Variants in ATP13A5 observed in about 807,000 individuals in gnomAD.
ATP13A5 encodes probable cation-transporting ATPase 13A5.
Under a neutral mutation model 150.2 loss-of-function variants are expected in ATP13A5, and 149 were observed. The observed-to-expected ratio is 0.99, with a 90% CI of 0.87 to 1.14. The LOEUF (loss-of-function observed/expected upper bound fraction) is 1.14, where lower values mean the gene tolerates loss of function less well. Among genes scored for constraint, ATP13A5 ranks in the 50% most tolerant of loss-of-function variants. The pLI is 0.00. For missense variants in ATP13A5, 1,383 were observed against 1,449.3 expected, an observed-to-expected ratio of 0.95 and a Z score of 0.74; for synonymous variants, 497 against 522.2, an observed-to-expected ratio of 0.95 and a Z score of 0.66.
At chr3:193,305,172 AT>A (rs1047163925) in intron 23 of ATP13A5, among the ~76,000 whole-genome samples, 3 of 152,226 alleles carry the variant, frequency 2.0e-5, no homozygotes, top group African/African-American at 7.2e-5. Context: ...ATGTAATAGT[AT>A]TTAGGGAAGC....
chr3:193,358,161 G>A (rs1378586919), intron 5 of ATP13A5, among the ~76,000 whole-genome samples: 1 of 152,120 alleles, frequency 6.6e-6, no homozygotes, highest in African/African-American at 2.4e-5. Context: ...TTCCAACAGA[G>A]TCTCTGGCAG....
At chr3:193,304,676 C>A (rs75342290) in intron 23 of ATP13A5, among the ~76,000 whole-genome samples, 2 of 152,068 alleles carry the variant, frequency 1.3e-5, no homozygotes. Flanking sequence ...GACATGAGAT[C>A]AGAAATCAGA....
In ATP13A5 at chr3:193,311,669, A is replaced by G. The variant is rs142413699; in HGVS notation, c.2445+147T>C. ...CGAGAAGGCATAAAAAGGGCCAGAA[A>G]ACTTTTTCAGGAGCAGTACTCCTTT... On this transcript the variant is annotated intron_variant, in intron 20 of 29. Coordinates refer to ENST00000342358, the MANE Select transcript of ATP13A5 (RefSeq NM_198505.4). 7 of 1,173,960 alleles carry G rather than the reference A, an allele frequency of 6.0e-6. No homozygotes were observed. The African/African-American group carries it at 1.1e-4, about 18-fold the overall frequency. 72.7% of individuals were successfully genotyped at this position (1,173,960 alleles called of 1,614,324 possible). A position where few individuals can be genotyped will look rare whatever the true frequency, so the allele number is the denominator to read the frequency against.
chr3:193,321,677 G>A lies in ATP13A5; in HGVS notation c.1915+4C>T, dbSNP rs1719283433. The A allele has an allele frequency of 6.2e-7, 1 of 1,613,822 alleles. No homozygotes were observed. The highest frequency in any genetic ancestry group is 2.2e-5 in the East Asian group (1 of 44,894). ...TACTTCTTGAAAGAGAAAAGTGTTA[G>A]TACCTGTTTCAGATCTGCAGAACCT... On this transcript the variant is annotated splice_donor_region_variant and intron_variant, in intron 16 of 29. Transcript: ENST00000342358.
chr3:193,314,240 C>T (rs1393793770), intron 18 of ATP13A5, 47 bp from the exon 19 acceptor site: 1 of 1,590,982 alleles, frequency 6.3e-7, no homozygotes, highest in East Asian at 2.2e-5. Flanking sequence ...AACCTCCCCT[C>T]AGCAACAAGA....
chr3:193,317,021 G>C (rs1381627614), intron 17 of ATP13A5, among the ~76,000 whole-genome samples: 1 of 152,156 alleles, frequency 6.6e-6, no homozygotes, highest in Admixed American at 6.6e-5. Context: ...AGCAAAAACA[G>C]GCAAATGTTC....
chr3:193,307,658 A>G (rs192341903), intron 21 of ATP13A5, among the ~76,000 whole-genome samples: 71 of 152,318 alleles, frequency 4.7e-4, no homozygotes, highest in Middle Eastern at 3.4e-3. Flanking sequence ...GCTTGATGAT[A>G]CGCACCAAGG....
rs758632440 is a variant in ATP13A5, at chr3:193,315,096, TC to T, written c.2034-1del. ...ATGTTAACTCTGACTCCACTTTTTCTCTTTGTATTCAGGAGAAAATCAATAT... is the reference window on the plus strand; with the variant it reads ...ATGTTAACTCTGACTCCACTTTTTCTTTTGTATTCAGGAGAAAATCAATAT... On this transcript the variant is annotated splice_acceptor_variant, in intron 17 of 29. Transcript: ENST00000342358. LOFTEE classifies it high-confidence loss of function. 1 of 1,613,404 alleles carries T rather than the reference TC, an allele frequency of 6.2e-7. No individual in the cohort carries two copies. The highest frequency in any genetic ancestry group is 8.5e-7 in the Non-Finnish European group (1 of 1,179,650).
intron 1 of ATP13A5, among the ~76,000 whole-genome samples, chr3:193,369,829 A>G (rs1013800870): frequency 2.6e-4 from 40 of 152,190 alleles, no homozygotes; most frequent in African/African-American, 8.9e-4. Context: ...TATTAATAGC[A>G]TACACCTGGA....
chr3:193,305,555 T>C lies in ATP13A5; in HGVS notation c.2678+4A>G, dbSNP rs1718578757. 7 of 1,612,130 alleles carry C rather than the reference T, an allele frequency of 4.3e-6. No individual in the cohort carries two copies. The highest frequency in any genetic ancestry group is 5.1e-6 in the Non-Finnish European group (6 of 1,178,340). On this transcript the variant is annotated splice_donor_region_variant and intron_variant, in intron 23 of 29. Coordinates refer to ENST00000342358, the MANE Select transcript of ATP13A5 (RefSeq NM_198505.4). ...TAGGGCTGGAAGAGGAAAAAATGAC[T>C]TACCTGATGAGATGAGGCACACACT... is the stretch of plus-strand genomic sequence containing the variant.
intron 15 of ATP13A5, 59 bp from the exon 16 acceptor site, chr3:193,321,896 A>G: frequency 6.3e-7 from 1 of 1,579,134 alleles, no homozygotes. Context: ...TTCCAAATGC[A>G]TACCAACAAA....
intron 9 of ATP13A5, 82 bp from the exon 10 acceptor site, chr3:193,335,181 T>C (rs1711807172): frequency 3.0e-6 from 4 of 1,340,664 alleles, no homozygotes; most frequent in Non-Finnish European, 3.2e-6. Flanking sequence ...CAAGAAATTA[T>C]ACAAACCACA....
intron 9 of ATP13A5, among the ~76,000 whole-genome samples, chr3:193,340,669 G>T (rs1712082998): frequency 1.3e-5 from 2 of 152,150 alleles, no homozygotes; most frequent in Non-Finnish European, 2.9e-5. Context: ...ATCCCTAAGA[G>T]AATGAGGAAA....
intron 25 of ATP13A5, among the ~76,000 whole-genome samples, chr3:193,291,440 G>A (rs753398444): frequency 5.3e-5 from 8 of 152,094 alleles, no homozygotes; most frequent in Non-Finnish European, 1.2e-4. Context: ...AGTGATAGGA[G>A]TATTTTTCTT....
intron 7 of ATP13A5, among the ~76,000 whole-genome samples, chr3:193,347,345 A>C (rs13062143): frequency 0.52 from 41,156 of 78,980 alleles, 5,871 homozygotes; most frequent in Admixed American, 0.53. Flanking sequence ...ACATGTAAAA[A>C]CCAAATAAAA....
Position 193,327,059 on chromosome 3 carries a change from T to A in ATP13A5, c.1462-2A>T. 6.2e-7 allele frequency: 1 copy of A among 1,603,156 alleles called. No homozygotes were observed. The highest frequency in any genetic ancestry group is 8.5e-7 in the Non-Finnish European group (1 of 1,177,498). On this transcript the variant is annotated splice_acceptor_variant, in intron 12 of 29. Coordinates refer to ENST00000342358, the MANE Select transcript of ATP13A5 (RefSeq NM_198505.4). LOFTEE classifies it high-confidence loss of function. ...CCCATCTTCAGTGAGAGTGCCAGTC[T>A]GAGTAAAAATTAAAAGCAATATTAG...
chr3:193,346,427 G>C lies in ATP13A5; in HGVS notation c.742-1352C>G, dbSNP rs1323860141. 2.6e-5 allele frequency among the ~76,000 whole-genome samples: 4 copies of C among 152,150 alleles called. No homozygotes were observed. The East Asian group carries it at 7.7e-4, about 29-fold the overall frequency. ...TTTCATCCATACAGTTCCCCAGACT[G>C]ACTGTTGGGGCAACATCAGCGAGAG... On this transcript the variant is annotated intron_variant, in intron 7 of 29. Transcript: ENST00000342358.
At chr3:193,368,459 T>G (rs531203076) in intron 1 of ATP13A5, among the ~76,000 whole-genome samples, 17 of 149,918 alleles carry the variant, frequency 1.1e-4, no homozygotes, top group African/African-American at 3.9e-4. Context: ...GGAATGGAAA[T>G]GCAAAGGATG....
In ATP13A5 at chr3:193,335,100, C is replaced by T. The variant is rs1425721631; in HGVS notation, c.944-1G>A. 1 of 1,613,418 alleles carries T rather than the reference C, an allele frequency of 6.2e-7. No homozygotes were observed. The highest frequency in any genetic ancestry group is 1.1e-5 in the South Asian group (1 of 91,012). On this transcript the variant is annotated splice_acceptor_variant, in intron 9 of 29. Coordinates refer to ENST00000342358, the MANE Select transcript of ATP13A5 (RefSeq NM_198505.4). LOFTEE classifies it high-confidence loss of function. ...GTCTTTGTAACAGGTATACTTTCTC[C>T]TAAAGAGGATTGTATTTTGTTGAAT...
Sources: gnomAD v4.1 joint callset for allele counts (sites outside exome capture counted in the v4.1 genomes callset) on GRCh38, gnomAD v4.1.1 for gene constraint, MANE v1.5 for transcripts, NCBI Gene and HGNC (gene_info 2026-07-23, HGNC 2026-07-21) for gene names.